The following WDR7 variants were observed in gnomAD, a reference collection of about 807,000 sequenced individuals.
The protein encoded by WDR7 is WD repeat-containing protein 7.
A neutral mutation model predicts 169.4 loss-of-function variants in WDR7; 46 were observed. The observed-to-expected ratio is 0.27, with a 90% CI of 0.21 to 0.35. The LOEUF (loss-of-function observed/expected upper bound fraction) is 0.35. WDR7 is among the 10% of genes least tolerant of loss of function. WDR7 has a pLI of 1.00. For synonymous variants in WDR7, 612 were observed against 666.8 expected (o/e 0.92, Z 1.27); for missense variants, 1,534 against 1,859.3 (o/e 0.83, Z 3.22).
At chr18:56,700,081 T>C (rs577259732) in intron 12 of WDR7, among the ~76,000 whole-genome samples, 1 of 152,092 alleles carries the variant, frequency 6.6e-6, no homozygotes, top group Non-Finnish European at 1.5e-5. Context: ...TTCTATTCTT[T>C]TGTTAGTGGG....
intron 25 of WDR7, among the ~76,000 whole-genome samples, chr18:56,941,235 T>C (rs2047031973): frequency 6.6e-6 from 1 of 151,980 alleles, no homozygotes; most frequent in Non-Finnish European, 1.5e-5. Context: ...AGGCAATAAA[T>C]GGAGTGCTTA....
At position 56,731,472 on chromosome 18, in the gene WDR7, A is replaced by G. The variant is rs1361604340; in HGVS notation, c.1864A>G (p.Ser622Gly). The part of the protein sequence containing the change: ...EAVPAAVDSL[S>G]HPAVNLKQAM... The stretch of plus-strand genomic sequence containing the variant: ...TGTTCCTGCTGCTGTTGATTCACTT[A>G]GTCATCCAGCAGTCAACCTAAAACA... Residue 622 changes from serine to glycine, a missense_variant, in exon 14 of 28, where the codon AGT (serine) becomes GGT (glycine). By Grantham distance (56) the Ser-to-Gly change is moderately conservative. Coordinates refer to ENST00000254442, the MANE Select transcript of WDR7 (RefSeq NM_015285.3). 6.2e-7 allele frequency: 1 copy of G among 1,614,076 alleles called. No individual in the cohort carries two copies. The highest frequency in any genetic ancestry group is 8.5e-7 in the Non-Finnish European group (1 of 1,180,038).
At chr18:56,792,203 G>A (rs776650384) in intron 19 of WDR7, among the ~76,000 whole-genome samples, 9 of 151,900 alleles carry the variant, frequency 5.9e-5, no homozygotes, top group Non-Finnish European at 8.8e-5. Flanking sequence ...TTTTTCTTTC[G>A]TAAGGGGTCT....
intron 12 of WDR7, among the ~76,000 whole-genome samples, chr18:56,700,142 CTAAA>C (rs1252392806): frequency 6.6e-6 from 1 of 151,526 alleles, no homozygotes; most frequent in Non-Finnish European, 1.5e-5. Flanking sequence ...CAAATATTGC[CTAAA>C]TATAGTATTA....
At position 56,816,921 on chromosome 18, in the gene WDR7, A is replaced by G. The variant is rs181565654; in HGVS notation, c.3304+777A>G. Among the ~76,000 whole-genome samples the G allele has an allele frequency of 2.2e-3, 335 of 152,354 alleles. 1 individual carries two copies. Among genetic ancestry groups the G allele is most frequent in the African/African-American group, 7.9e-3 (328 of 41,588 alleles). On this transcript the variant is annotated intron_variant, in intron 20 of 27. Transcript: ENST00000254442. ...TTGTGAAGCAACAAATATTAATTTAATAGTAAAAAATGTTAATTTACTACT... is the reference window on the plus strand; with the variant it reads ...TTGTGAAGCAACAAATATTAATTTAGTAGTAAAAAATGTTAATTTACTACT...
chr18:56,893,695 T>A lies in WDR7; in HGVS notation c.3526+13530T>A, dbSNP rs59029855. 8.1e-3 allele frequency among the ~76,000 whole-genome samples: 1,237 copies of A among 152,192 alleles called. 25 individuals carry two copies. The highest frequency in any genetic ancestry group is 0.029 in the African/African-American group (1,192 of 41,544). On this transcript the variant is annotated intron_variant, in intron 21 of 27. Transcript: ENST00000254442. The stretch of plus-strand genomic sequence containing the variant: ...AATGTTTGTGTGAAATCAATAAATG[T>A]ATGGCTCTTTCCTTATACCTTTGGT...
rs888441938 is a variant in WDR7 at position 57,029,545 on chromosome 18, A to G, written c.*2338A>G. 6.6e-6 allele frequency: 1 copy of G among 152,044 alleles called. No homozygotes were observed. The highest frequency in any genetic ancestry group is 1.5e-5 in the Non-Finnish European group (1 of 68,002). 9.4% of individuals were successfully genotyped at this position (152,044 alleles called of 1,614,324 possible). On this transcript the variant is annotated 3_prime_UTR_variant, in exon 28 of 28. Transcript: ENST00000254442. The stretch of plus-strand genomic sequence containing the variant: ...ACACCTTTAATGTTTTATTGATTTC[A>G]CTGGCACTGTATTTGGACCTGTCCT...
intron 21 of WDR7, among the ~76,000 whole-genome samples, chr18:56,897,948 G>A (rs184776799): frequency 6.6e-6 from 1 of 151,762 alleles, no homozygotes; most frequent in East Asian, 1.9e-4. Context: ...CCACTGAGAG[G>A]GTCCAGGAGC....
At chr18:57,024,178 C>G (rs1035164682) in intron 27 of WDR7, among the ~76,000 whole-genome samples, 1 of 152,104 alleles carries the variant, frequency 6.6e-6, no homozygotes, top group African/African-American at 2.4e-5. Context: ...GAATTTTCCA[C>G]AATGAGTATT....
intron 26 of WDR7, among the ~76,000 whole-genome samples, chr18:57,006,295 ATAAGT>A (rs1317745699): frequency 6.6e-6 from 1 of 150,824 alleles, no homozygotes; most frequent in Non-Finnish European, 1.5e-5. Flanking sequence ...TGGAAAGAAC[ATAAGT>A]TAAAACATCA....
chr18:56,757,244 G>A lies in WDR7; in HGVS notation c.2651G>A (p.Arg884His), dbSNP rs754502297. ...GVGKGTYGVS[R>H]AVTTQHLLSI... ...GGAAAGGGAACTTACGGAGTGTCCC[G>A]TGCCGTCACCACACAGCATCTCCTG... The change falls in exon 15 of 28, where the codon CGT becomes CAT. Residue 884 changes from arginine to histidine, a missense_variant. Physicochemically the swap from Arg to His is conservative, Grantham distance 29. Coordinates refer to ENST00000254442, the MANE Select transcript of WDR7 (RefSeq NM_015285.3). 1.8e-5 allele frequency: 29 copies of A among 1,613,984 alleles called. No homozygotes were observed. The highest frequency in any genetic ancestry group is 8.9e-5 in the East Asian group (4 of 44,892).
chr18:57,007,169 C>T (rs1360180520), intron 26 of WDR7, among the ~76,000 whole-genome samples: 9 of 152,102 alleles, frequency 5.9e-5, no homozygotes, highest in Admixed American at 3.3e-4. Flanking sequence ...TTAGTAGAGA[C>T]GGGGTTTCAC....
intron 26 of WDR7, among the ~76,000 whole-genome samples, chr18:56,993,485 A>C (rs2047846316): frequency 1.3e-5 from 2 of 152,254 alleles, no homozygotes; most frequent in Admixed American, 1.3e-4. Context: ...TGTGATTTTA[A>C]ATTTTTATTA....
intron 13 of WDR7, among the ~76,000 whole-genome samples, chr18:56,718,914 T>C (rs1187933963): frequency 3.3e-5 from 5 of 152,252 alleles, no homozygotes; most frequent in Admixed American, 6.5e-5. Flanking sequence ...GAAATCAGAC[T>C]ATATACATAT....
At chr18:56,769,259 G>C (rs953187949) in intron 16 of WDR7, among the ~76,000 whole-genome samples, 1 of 146,276 alleles carries the variant, frequency 6.8e-6, no homozygotes, top group African/African-American at 2.6e-5. Context: ...TCACTCTCTT[G>C]TCCAGGCTGG....
Position 56,924,122 on chromosome 18 carries a change from C to G in WDR7, c.3713+14C>G. ...ACAACTTGCCAAGTATGTGTGGATT[C>G]CGGTTAATTTAATTTGTCACTGTTT... On this transcript the variant is annotated intron_variant, in intron 22 of 27. Coordinates refer to ENST00000254442, the MANE Select transcript of WDR7 (RefSeq NM_015285.3). 1 of 1,607,210 alleles carries G rather than the reference C, an allele frequency of 6.2e-7. No homozygotes were observed. Among genetic ancestry groups the G allele is most frequent in the South Asian group, 1.1e-5 (1 of 88,782 alleles).
chr18:57,009,815 A>T (rs926235997), intron 26 of WDR7: 2 of 978,550 alleles, frequency 2.0e-6, no homozygotes, highest in Admixed American at 1.2e-4. Flanking sequence ...TATAATCTAC[A>T]TCAGACAATT....
intron 1 of WDR7, among the ~76,000 whole-genome samples, chr18:56,663,626 C>CATATATATACAGCATATATACATGT (rs1229940954): frequency 7.5e-5 from 1 of 13,352 alleles, no homozygotes; most frequent in African/African-American, 9.4e-5. Flanking sequence ...ATATACACCA[C>CATATATATACAGCATATATACATGT]ATATATGCAC....
chr18:56,889,772 C>T (rs2046240839), intron 21 of WDR7, among the ~76,000 whole-genome samples: 1 of 152,112 alleles, frequency 6.6e-6, no homozygotes, highest in Non-Finnish European at 1.5e-5. Flanking sequence ...CCAGCAAGTA[C>T]CAGGTCACCT....
Sources: allele counts gnomAD v4.1 joint callset (sites outside exome capture counted in the v4.1 genomes callset), GRCh38; gene constraint gnomAD v4.1.1; transcripts MANE v1.5; gene names NCBI Gene and HGNC (gene_info 2026-07-23, HGNC 2026-07-21).